IWS1: variants seen among roughly 807,000 people sequenced by gnomAD.
The protein encoded by IWS1 is interacts with SUPT6H, CTD assembly factor 1, also known as protein IWS1 homolog.
IWS1 carries 27 observed loss-of-function variants against 86.7 expected under a neutral mutation model. The observed-to-expected ratio is 0.31, with a 90% CI of 0.23 to 0.43. The LOEUF (loss-of-function observed/expected upper bound fraction) is 0.43. Ranked by LOEUF, IWS1 falls within the 20% of genes least tolerant of loss-of-function variation. The probability of loss-of-function intolerance (pLI) is 1.00; values close to 1 mark genes in which losing one functional copy is unlikely to be tolerated. For synonymous variants in IWS1, 313 were observed against 335.1 expected (o/e 0.93, Z 0.72); for missense variants, 827 against 1,000.8 (o/e 0.83, Z 2.34).
intron 1 of IWS1, 52 bp from the exon 2 acceptor site, chr2:127,523,843 T>C (rs759184721): frequency 2.5e-6 from 3 of 1,203,792 alleles, no homozygotes; most frequent in Non-Finnish European, 3.7e-6. Flanking sequence ...GAATGACATC[T>C]ACAGTGAAAT....
At chr2:127,483,586 T>TGGG (rs1558736777) in intron 13 of IWS1, among the ~76,000 whole-genome samples, 13 of 17,106 alleles carry the variant, frequency 7.6e-4, no homozygotes, top group African/African-American at 2.6e-3. Flanking sequence ...CGGGGGGTGG[T>TGGG]GGGGTGGGGG....
At chr2:127,484,737 T>G (rs1689833883) in intron 13 of IWS1, 1 of 152,224 alleles carries the variant, frequency 6.6e-6, no homozygotes, top group Admixed American at 6.5e-5. Flanking sequence ...AGGAGATGGC[T>G]CATGCCTGTA....
At chr2:127,523,617 T>C (rs971081540) in intron 2 of IWS1, 59 bp downstream of exon 2, 22 of 1,083,966 alleles carry the variant, frequency 2.0e-5, no homozygotes, top group Non-Finnish European at 2.8e-5. Context: ...TCCTATAATA[T>C]AACAGATCTC....
At chr2:127,488,649 C>T (rs1690059084) in intron 12 of IWS1, among the ~76,000 whole-genome samples, 1 of 152,202 alleles carries the variant, frequency 6.6e-6, no homozygotes, top group African/African-American at 2.4e-5. Context: ...CAAATCAAAC[C>T]AGATGGCTTC....
chr2:127,525,047 C>A (rs922891158), intron 1 of IWS1, among the ~76,000 whole-genome samples: 6 of 147,424 alleles, frequency 4.1e-5, no homozygotes, highest in African/African-American at 1.5e-4. Flanking sequence ...AGGTGTATGC[C>A]ACCACACTCG....
chr2:127,489,406 G>T lies in IWS1; in HGVS notation c.2160-171C>A. On this transcript the variant is annotated intron_variant, in intron 11 of 13. Coordinates refer to ENST00000295321, the MANE Select transcript of IWS1 (RefSeq NM_017969.3). The surrounding 1 kb of genome is among the most constrained non-coding windows in gnomAD (Gnocchi z 4.8). ...GTACTACTCATTTTAGTATTCATTTGCATAACAGGTTTCCTTGTGGATGAG... is the reference window on the plus strand; with the variant it reads ...GTACTACTCATTTTAGTATTCATTTTCATAACAGGTTTCCTTGTGGATGAG... 1.7e-6 allele frequency: 1 copy of T among 594,386 alleles called. No homozygotes were observed. Among genetic ancestry groups the T allele is most frequent in the Non-Finnish European group, 3.0e-6 (1 of 332,542 alleles). The allele number at this position is 594,386 out of a possible 1,614,324, so 36.8% of individuals were successfully genotyped here.
At chr2:127,495,507 A>G (rs946100838) in intron 7 of IWS1, among the ~76,000 whole-genome samples, 6 of 152,230 alleles carry the variant, frequency 3.9e-5, no homozygotes, top group African/African-American at 1.4e-4. Flanking sequence ...TTTGAAAGAA[A>G]TCCTAGACAC....
intron 2 of IWS1, among the ~76,000 whole-genome samples, chr2:127,515,226 G>C (rs1306256279): frequency 6.6e-6 from 1 of 152,210 alleles, no homozygotes; most frequent in Non-Finnish European, 1.5e-5. Context: ...GGAAATTCGA[G>C]GGGCTGTTTT....
chr2:127,503,470 T>C lies in IWS1; in HGVS notation c.1326A>G (p.Glu442=). 1 of 1,613,572 alleles carries C rather than the reference T, an allele frequency of 6.2e-7. No homozygotes were observed. Among genetic ancestry groups the C allele is most frequent in the African/African-American group, 1.3e-5 (1 of 75,040 alleles). The part of the protein sequence containing the change: ...REKTIASDSE[E]EAGKELSDKK... ...TATCAGACAATTCTTTCCCAGCTTC[T>C]TCCTCACTGTCAGATGCTATGGTCT... Residue 442 remains glutamate (E), a synonymous_variant, in exon 4 of 14, where the codon GAA becomes GAG. Transcript: ENST00000295321.
intron 2 of IWS1, among the ~76,000 whole-genome samples, chr2:127,512,121 T>C (rs1343806352): frequency 2.0e-5 from 3 of 152,218 alleles, no homozygotes; most frequent in East Asian, 3.8e-4. Context: ...CTCCATTTTT[T>C]CCTGTGGGAC....
At chr2:127,521,909 T>C (rs1169170443) in intron 2 of IWS1, among the ~76,000 whole-genome samples, 1 of 152,234 alleles carries the variant, frequency 6.6e-6, no homozygotes. Flanking sequence ...ACTACCCTAC[T>C]GGGCTCTAAA....
rs199532592 is a variant in IWS1 at position 127,505,309 on chromosome 2, G to A, written c.594C>T (p.Ser198=). The A allele has an allele frequency of 1.4e-5, 23 of 1,609,690 alleles. No homozygotes were observed. The highest frequency in any genetic ancestry group is 2.7e-5 in the African/African-American group (2 of 73,518). Residue 198 remains serine (S), a synonymous_variant, in exon 3 of 14, where the codon TCC becomes TCT. Coordinates refer to ENST00000295321, the MANE Select transcript of IWS1 (RefSeq NM_017969.3). The surrounding 1 kb of genome is among the most constrained non-coding windows in gnomAD (Gnocchi z 5.0). Reference sequence around the variant, plus strand: ...GAGGTTTGGGAGGCTCCTCATTTTCGGAGTCACTGGCTTGGTGCCTTGGGG... The same window carrying A: ...GAGGTTTGGGAGGCTCCTCATTTTCAGAGTCACTGGCTTGGTGCCTTGGGG... ...EEPPRHQASD[S]ENEEPPKPRM...
At chr2:127,502,042 C>A (rs1480342919) in intron 5 of IWS1, among the ~76,000 whole-genome samples, 1 of 152,146 alleles carries the variant, frequency 6.6e-6, no homozygotes, top group Non-Finnish European at 1.5e-5. Flanking sequence ...CTATTGTCAT[C>A]ATTACTGTTA....
intron 12 of IWS1, among the ~76,000 whole-genome samples, chr2:127,488,723 A>G (rs1207974880): frequency 6.6e-6 from 1 of 152,196 alleles, no homozygotes; most frequent in East Asian, 1.9e-4. Context: ...CTTGATTCAA[A>G]GCCCTTCACC....
At chr2:127,490,185 GT>G (rs142374360) in intron 10 of IWS1, among the ~76,000 whole-genome samples, 94 of 152,200 alleles carry the variant, frequency 6.2e-4, no homozygotes, top group Non-Finnish European at 1.0e-3. Context: ...AAAGTAACAT[GT>G]GATACACTTT....
In IWS1 at chr2:127,526,284, G is replaced by A; in HGVS notation, c.-76C>T. On this transcript the variant is annotated 5_prime_UTR_variant, in exon 1 of 14. Transcript: ENST00000295321. ...ACCTCCTTCCAGGCGGTGTGACCCC[G>A]GATGGCGCGGCTAAGTGTTCAGAGA... is the stretch of plus-strand genomic sequence containing the variant. 1.9e-6 allele frequency: 3 copies of A among 1,545,028 alleles called. No individual in the cohort carries two copies. Among genetic ancestry groups the A allele is most frequent in the African/African-American group, 1.4e-5 (1 of 73,220 alleles).
chr2:127,505,860 C>T lies in IWS1; in HGVS notation c.151-108G>A. 1 of 713,270 alleles carries T rather than the reference C, an allele frequency of 1.4e-6. No homozygotes were observed. The allele number at this position is 713,270 out of a possible 1,614,324, so 44.2% of individuals were successfully genotyped here. On this transcript the variant is annotated intron_variant, in intron 2 of 13. Coordinates refer to ENST00000295321, the MANE Select transcript of IWS1 (RefSeq NM_017969.3). This position sits in a 1 kb window ranked among gnomAD's most constrained non-coding sequence, Gnocchi z 5.0. ...TTTTTTTAAAATACAGGATTATGTG[C>T]ACCTAAATGGAGAATTCTTGTCCTA...
intron 13 of IWS1, among the ~76,000 whole-genome samples, chr2:127,483,344 C>T (rs1308549872): frequency 3.3e-5 from 5 of 151,834 alleles, no homozygotes; most frequent in East Asian, 1.9e-4. Flanking sequence ...TATTCATGGC[C>T]GGGTGTGGTG....
At chr2:127,484,163 G>C (rs1051536754) in intron 13 of IWS1, among the ~76,000 whole-genome samples, 1 of 152,034 alleles carries the variant, frequency 6.6e-6, no homozygotes, top group Non-Finnish European at 1.5e-5. Context: ...AACAAAGTTA[G>C]CCAGGTGTGG....
Sources: gnomAD v4.1 joint callset for allele counts (sites outside exome capture counted in the v4.1 genomes callset) on GRCh38, gnomAD v4.1.1 for gene constraint, Gnocchi (gnomAD v3.1) non-coding constraint, MANE v1.5 for transcripts, NCBI Gene and HGNC (gene_info 2026-07-23, HGNC 2026-07-21) for gene names.